PM20D2: variants seen among roughly 807,000 people sequenced by gnomAD.
The protein encoded by PM20D2 is peptidase M20 domain containing 2.
In PM20D2, 33 loss-of-function variants were observed where a neutral mutation model predicts 42.9. The ratio of observed to expected loss-of-function variants is 0.77; its 90% confidence interval spans 0.58 to 1.03. PM20D2 has a LOEUF of 1.03. Ranked by LOEUF, PM20D2 falls within the 50% of genes least tolerant of loss-of-function variation. PM20D2 has a pLI of 0.00. For missense variants in PM20D2, 548 were observed against 557.0 expected (o/e 0.98, Z 0.16); for synonymous variants, 250 against 228.2 (o/e 1.10, Z -0.86).
At chr6:89,104,930 C>T in the PM20D2 span, among the ~76,000 whole-genome samples, 5 of 151,978 alleles carry the variant, frequency 3.3e-5, no homozygotes, top group Admixed American at 2.0e-4. Flanking sequence ...GTGGTGCACA[C>T]CTGTAGTACC....
chr6:89,130,638 T>C, the PM20D2 span, among the ~76,000 whole-genome samples: 5 of 151,510 alleles, frequency 3.3e-5, no homozygotes, highest in Admixed American at 1.3e-4. Flanking sequence ...CTTTTTTGTT[T>C]TAATAGACAT....
the PM20D2 span, among the ~76,000 whole-genome samples, chr6:89,127,672 G>T: frequency 6.6e-6 from 1 of 152,098 alleles, no homozygotes; most frequent in Non-Finnish European, 1.5e-5. Flanking sequence ...GCTCAGCATT[G>T]GTTAATAGAA....
chr6:89,128,562 G>T, the PM20D2 span, among the ~76,000 whole-genome samples: 1 of 152,092 alleles, frequency 6.6e-6, no homozygotes, highest in Admixed American at 6.5e-5. Flanking sequence ...CCTTTGTCCT[G>T]TTCCCTCAGA....
chr6:89,103,991 CTTTTTTTTTTTTT>C, the PM20D2 span, among the ~76,000 whole-genome samples: 6 of 81,950 alleles, frequency 7.3e-5, no homozygotes, highest in Admixed American at 3.3e-4. Flanking sequence ...TATTATATTT[CTTTTTTTTTTTTT>C]TTTTTTTTTT....
chr6:89,154,640 T>C (rs1197458432), intron 3 of PM20D2, 108 bp from the exon 4 acceptor site: 1 of 787,438 alleles, frequency 1.3e-6, no homozygotes, highest in African/African-American at 1.8e-5. Context: ...CTAGTGAGTT[T>C]AAATTATTTT....
In PM20D2 at chr6:89,164,934, A is replaced by AAAAG. The variant is rs1035446369; in HGVS notation, c.*2674_*2675insGAAA. 6.8e-6 allele frequency: 1 copy of AAAAG among 147,962 alleles called. No homozygotes were observed. Among genetic ancestry groups the AAAAG allele is most frequent in the Non-Finnish European group, 1.5e-5 (1 of 67,324 alleles). The allele number at this position is 147,962 out of a possible 1,614,324, so 9.2% of individuals were successfully genotyped here. A position where few individuals can be genotyped will look rare whatever the true frequency, so the allele number is the denominator to read the frequency against. ...GTTTCTGTGCCTGTAAAAAAAAAAA[A>AAAAG]AAAAAAAAGAAAAGAAAAGACACTG... is the stretch of plus-strand genomic sequence containing the variant. On this transcript the variant is annotated 3_prime_UTR_variant, in exon 7 of 7. Transcript: ENST00000275072.
At chr6:89,148,091 G>A (rs989419555) in intron 1 of PM20D2, among the ~76,000 whole-genome samples, 1 of 146,648 alleles carries the variant, frequency 6.8e-6, no homozygotes, top group Non-Finnish European at 1.5e-5. Context: ...GGCGATCCTC[G>A]TGCTTCAGCC....
At position 89,153,329 on chromosome 6, in the gene PM20D2, A is replaced by G. The variant is rs992438343; in HGVS notation, c.757+144A>G. 4 of 608,836 alleles carry G rather than the reference A, an allele frequency of 6.6e-6. No homozygotes were observed. In the African/African-American group the frequency reaches 7.7e-5, roughly 12 times the overall value. 37.7% of individuals were successfully genotyped at this position (608,836 alleles called of 1,614,324 possible). On this transcript the variant is annotated intron_variant, in intron 3 of 6. Transcript: ENST00000275072. The stretch of plus-strand genomic sequence containing the variant: ...CTGATTTTTAAGCATATTTTCAGAA[A>G]TTCATGTGACAGGATACTAAGATGT...
rs1215886179 is a variant in PM20D2, at chr6:89,146,408, C to T, written c.264C>T (p.Arg88=). ...QPHYQLPTAF[R]AEWEPPEARA... The stretch of plus-strand genomic sequence containing the variant: ...ACTACCAGCTGCCCACGGCCTTCCG[C>T]GCCGAGTGGGAGCCGCCGGAGGCCC... The change falls in exon 1 of 7, where the codon CGC becomes CGT. Residue 88 remains arginine, a synonymous_variant. Coordinates refer to ENST00000275072, the MANE Select transcript of PM20D2 (RefSeq NM_001010853.3). 7 of 1,525,802 alleles carry T rather than the reference C, an allele frequency of 4.6e-6. No homozygotes were observed. The highest frequency in any genetic ancestry group is 1.4e-5 in the African/African-American group (1 of 71,164). The allele number at this position is 1,525,802 out of a possible 1,614,324, so 94.5% of individuals were successfully genotyped here. A position where few individuals can be genotyped will look rare whatever the true frequency, so the allele number is the denominator to read the frequency against.
the PM20D2 span, among the ~76,000 whole-genome samples, chr6:89,099,421 TATATGTGTGTATATATATACAC>T: frequency 7.2e-6 from 1 of 139,138 alleles, no homozygotes; most frequent in Non-Finnish European, 1.5e-5. Flanking sequence ...TATACATATA[TATATGTGTGTATATATATACAC>T]ATATATATGT....
chr6:89,111,732 T>A, the PM20D2 span, among the ~76,000 whole-genome samples: 5,909 of 152,254 alleles, frequency 0.039, 208 homozygotes, highest in African/African-American at 0.091. Flanking sequence ...GAAAGCATTG[T>A]CTTTCATCAT....
the PM20D2 span, among the ~76,000 whole-genome samples, chr6:89,099,538 G>A: frequency 7.9e-6 from 1 of 126,236 alleles, no homozygotes; most frequent in African/African-American, 3.2e-5. Context: ...ACACATACAT[G>A]TTTTTTTTTT....
At chr6:89,117,951 C>T in the PM20D2 span, 2 of 1,492,144 alleles carry the variant, frequency 1.3e-6, no homozygotes, top group Non-Finnish European at 1.8e-6. Context: ...TCTCCCGCTA[C>T]CGCTGCTACC....
intron 5 of PM20D2, among the ~76,000 whole-genome samples, chr6:89,160,923 G>A (rs988845003): frequency 7.9e-5 from 12 of 152,098 alleles, no homozygotes; most frequent in East Asian, 3.9e-4. Flanking sequence ...TGTCTAGAGC[G>A]GCTAGGGCAT....
upstream of PM20D2, among the ~76,000 whole-genome samples, chr6:89,143,657 G>T (rs570101168): frequency 5.7e-4 from 87 of 152,236 alleles, no homozygotes; most frequent in Non-Finnish European, 1.2e-3. Flanking sequence ...AAACATACAG[G>T]TTCCTTACCA....
chr6:89,147,921 C>CA, intron 1 of PM20D2, among the ~76,000 whole-genome samples: 1 of 148,502 alleles, frequency 6.7e-6, no homozygotes, highest in Non-Finnish European at 1.5e-5. Context: ...GGCTTCATGT[C>CA]AGAGTTTGAG....
At chr6:89,109,192 A>G in the PM20D2 span, among the ~76,000 whole-genome samples, 1 of 152,036 alleles carries the variant, frequency 6.6e-6, no homozygotes, top group Admixed American at 6.6e-5. Context: ...AGGCACCCCA[A>G]CCCGATGCAT....
At chr6:89,142,916 CCAGAG>C (rs1770382711), upstream of PM20D2, among the ~76,000 whole-genome samples, 1 of 152,214 alleles carries the variant, frequency 6.6e-6, no homozygotes, top group Non-Finnish European at 1.5e-5. Flanking sequence ...CCTCGGCCTC[CCAGAG>C]TGCTGGGATT....
At chr6:89,103,158 A>T in the PM20D2 span, among the ~76,000 whole-genome samples, 1 of 152,182 alleles carries the variant, frequency 6.6e-6, no homozygotes, top group African/African-American at 2.4e-5. Context: ...GCCCTGAAAG[A>T]TGTGGTCCTT....
Sources: gnomAD v4.1 joint callset for allele counts (sites outside exome capture counted in the v4.1 genomes callset) on GRCh38, gnomAD v4.1.1 for gene constraint, MANE v1.5 for transcripts, NCBI Gene and HGNC (gene_info 2026-07-23, HGNC 2026-07-21) for gene names.